KAZN: variants seen among roughly 807,000 people sequenced by gnomAD.
KAZN encodes the protein kazrin, periplakin interacting protein, also known as kazrin.
A neutral mutation model predicts 87.4 loss-of-function variants in KAZN; 40 were observed. The observed-to-expected ratio is 0.46, with a 90% CI of 0.36 to 0.60. KAZN has a LOEUF of 0.60. KAZN is among the 20% of genes least tolerant of loss of function. The probability of loss-of-function intolerance (pLI) is 0.00; values close to 1 mark genes in which losing one functional copy is unlikely to be tolerated. For synonymous variants in KAZN, 466 were observed against 458.3 expected (o/e 1.02, Z -0.22); for missense variants, 898 against 1,073.9 (o/e 0.84, Z 2.29).
At chr1:14,688,328 A>T (rs1359711553) in intron 1 of KAZN, among the ~76,000 whole-genome samples, 1 of 152,210 alleles carries the variant, frequency 6.6e-6, no homozygotes, top group African/African-American at 2.4e-5. Flanking sequence ...GTGTTGAGCT[A>T]GATGGCCTCT....
chr1:13,985,072 C>T (rs1638946140), intron 1 of KAZN, among the ~76,000 whole-genome samples: 1 of 151,992 alleles, frequency 6.6e-6, no homozygotes, highest in East Asian at 1.9e-4. Context: ...CCAGGATTCT[C>T]CAGAAAAACA....
At chr1:14,672,748 C>T (rs1323793992) in intron 1 of KAZN, among the ~76,000 whole-genome samples, 6 of 152,210 alleles carry the variant, frequency 3.9e-5, no homozygotes, top group African/African-American at 7.2e-5. Flanking sequence ...GATTGCTTTG[C>T]GGAGACAGCA....
At chr1:13,925,814 A>G (rs1640250775) in intron 1 of KAZN, among the ~76,000 whole-genome samples, 1 of 152,188 alleles carries the variant, frequency 6.6e-6, no homozygotes, top group East Asian at 1.9e-4. Flanking sequence ...AGTGGGTGTG[A>G]CCATGAATTG....
intron 1 of KAZN, among the ~76,000 whole-genome samples, chr1:14,638,879 C>T (rs914340062): frequency 5.3e-5 from 8 of 152,196 alleles, no homozygotes; most frequent in Non-Finnish European, 1.0e-4. Context: ...CATTTCCACC[C>T]AGCTAATCCT....
chr1:14,205,629 A>G (rs1646723294), intron 2 of KAZN, among the ~76,000 whole-genome samples: 1 of 152,048 alleles, frequency 6.6e-6, no homozygotes. Flanking sequence ...TCACACCTGT[A>G]ATCTGAGCAC....
intron 2 of KAZN, among the ~76,000 whole-genome samples, chr1:14,330,968 G>A (rs527960697): frequency 6.8e-4 from 103 of 152,140 alleles, no homozygotes; most frequent in South Asian, 2.3e-3. Flanking sequence ...TGATACATTG[G>A]TGTGTGTACA....
At chr1:14,385,178 T>C (rs1227879707) in intron 2 of KAZN, among the ~76,000 whole-genome samples, 1 of 152,218 alleles carries the variant, frequency 6.6e-6, no homozygotes, top group Non-Finnish European at 1.5e-5. Flanking sequence ...TTTATCATTT[T>C]TTATTTCGTC....
At chr1:15,032,102 C>G (rs1458540796) in intron 2 of KAZN, among the ~76,000 whole-genome samples, 1 of 151,932 alleles carries the variant, frequency 6.6e-6, no homozygotes, top group Non-Finnish European at 1.5e-5. Flanking sequence ...CCTCCCTCCC[C>G]GATCCACCCC....
chr1:14,924,442 G>A (rs1425083409), intron 1 of KAZN: 5 of 988,526 alleles, frequency 5.1e-6, no homozygotes, highest in Non-Finnish European at 6.0e-6. Flanking sequence ...CTTCCTGCGG[G>A]GCGGGGGCCG....
At chr1:13,929,339 G>A (rs7519744) in intron 1 of KAZN, among the ~76,000 whole-genome samples, 17,116 of 152,018 alleles carry the variant, frequency 0.11, 1,069 homozygotes, top group African/African-American at 0.15. Context: ...GGCTGCTGGC[G>A]GGCATACCTT....
chr1:14,618,303 A>G (rs755989900), intron 1 of KAZN, among the ~76,000 whole-genome samples: 2 of 152,324 alleles, frequency 1.3e-5, no homozygotes, highest in South Asian at 4.1e-4. Context: ...AGCTGGTGAC[A>G]TGACTTTGGA....
At chr1:14,924,652 C>T in intron 1 of KAZN, 1 of 827,060 alleles carries the variant, frequency 1.2e-6, no homozygotes, top group Non-Finnish European at 1.5e-6. Flanking sequence ...CGCGAGGGCG[C>T]TCGGAGCCGG....
intron 1 of KAZN, among the ~76,000 whole-genome samples, chr1:13,954,643 T>C (rs1205630647): frequency 2.0e-5 from 3 of 152,142 alleles, no homozygotes; most frequent in African/African-American, 4.8e-5. Flanking sequence ...AATGTGAACA[T>C]ATTCTCTGAG....
chr1:14,061,706 G>T (rs1380907856), intron 1 of KAZN, among the ~76,000 whole-genome samples: 1 of 152,220 alleles, frequency 6.6e-6, no homozygotes, highest in African/African-American at 2.4e-5. Context: ...CAGTACTCTT[G>T]TTAGCCCTGT....
chr1:14,478,584 T>C (rs1445984347), intron 2 of KAZN, among the ~76,000 whole-genome samples: 1 of 152,184 alleles, frequency 6.6e-6, no homozygotes, highest in Non-Finnish European at 1.5e-5. Flanking sequence ...ATTTTCCTTC[T>C]TCCTTACTCT....
chr1:14,373,345 C>A (rs1208470998), intron 2 of KAZN, among the ~76,000 whole-genome samples: 7 of 152,084 alleles, frequency 4.6e-5, no homozygotes. Context: ...CAGTCTAAGT[C>A]CAAAGGCCTG....
intron 1 of KAZN, among the ~76,000 whole-genome samples, chr1:14,043,986 T>C (rs4636455): frequency 0.62 from 93,337 of 151,622 alleles, 30,071 homozygotes; most frequent in African/African-American, 0.8. Flanking sequence ...CCATTCTCCC[T>C]TGTGTCTCTC....
At chr1:13,922,173 T>C (rs944100507) in intron 1 of KAZN, among the ~76,000 whole-genome samples, 3 of 152,156 alleles carry the variant, frequency 2.0e-5, no homozygotes, top group African/African-American at 7.2e-5. Flanking sequence ...TGTAGTGCTT[T>C]GGGGAAAATC....
chr1:14,403,403 G>GAA (rs146746817), intron 2 of KAZN, among the ~76,000 whole-genome samples: 44 of 149,910 alleles, frequency 2.9e-4, no homozygotes, highest in Middle Eastern at 6.8e-3. Context: ...CTCCCCAAAC[G>GAA]AAAAAAAAAT....
Sources: allele counts gnomAD v4.1 joint callset (sites outside exome capture counted in the v4.1 genomes callset), GRCh38; gene constraint gnomAD v4.1.1; transcripts MANE v1.5; gene names NCBI Gene and HGNC (gene_info 2026-07-23, HGNC 2026-07-21).